Variants in IPCEF1 observed in about 807,000 individuals in gnomAD.
IPCEF1 encodes the protein interactor protein for cytohesin exchange factors 1.
In IPCEF1, 31 loss-of-function variants were observed where a neutral mutation model predicts 50.9. That is an observed-to-expected ratio of 0.61 (90% CI 0.46 to 0.82). IPCEF1 has a LOEUF of 0.82. Ranked by LOEUF, IPCEF1 falls within the 40% of genes least tolerant of loss-of-function variation. The pLI is 0.00. For synonymous variants in IPCEF1, 181 were observed against 192.0 expected, an observed-to-expected ratio of 0.94 and a Z score of 0.47; for missense variants, 458 against 514.0, an observed-to-expected ratio of 0.89 and a Z score of 1.05.
rs1326181472 is a variant in IPCEF1 at position 154,156,272 on chromosome 6, A to G, written c.*3556T>C. Reference sequence around the variant, plus strand: ...AGGGCCCTTTAGGTTTCAAATGGAGAATTTAGCCAAACAGCCACCAGGGCC... The same window carrying G: ...AGGGCCCTTTAGGTTTCAAATGGAGGATTTAGCCAAACAGCCACCAGGGCC... On this transcript the variant is annotated 3_prime_UTR_variant, in exon 12 of 12. Transcript: ENST00000367220. The G allele has an allele frequency of 6.6e-6, 1 of 152,236 alleles. No homozygotes were observed. The highest frequency in any genetic ancestry group is 1.5e-5 in the Non-Finnish European group (1 of 68,094). The allele number at this position is 152,236 out of a possible 1,614,324, so 9.4% of individuals were successfully genotyped here. A position where few individuals can be genotyped will look rare whatever the true frequency, so the allele number is the denominator to read the frequency against.
At chr6:154,177,458 C>G (rs914696217) in intron 10 of IPCEF1, among the ~76,000 whole-genome samples, 1 of 152,044 alleles carries the variant, frequency 6.6e-6, no homozygotes, top group Admixed American at 6.5e-5. Flanking sequence ...AACAAACAAC[C>G]CCATCAGAAA....
intron 1 of IPCEF1, among the ~76,000 whole-genome samples, chr6:154,315,094 G>A (rs1343872432): frequency 2.0e-5 from 3 of 152,104 alleles, no homozygotes; most frequent in Non-Finnish European, 4.4e-5. Flanking sequence ...TGTTGGCCAG[G>A]CTAATCTCGA....
At chr6:154,333,458 G>A (rs1304528906) in intron 1 of IPCEF1, among the ~76,000 whole-genome samples, 2 of 151,818 alleles carry the variant, frequency 1.3e-5, no homozygotes, top group Non-Finnish European at 2.9e-5. Context: ...TCAGTTTTCG[G>A]ACTCAAACTG....
At chr6:154,249,520 G>T (rs1278664743) in intron 3 of IPCEF1, among the ~76,000 whole-genome samples, 2 of 152,122 alleles carry the variant, frequency 1.3e-5, no homozygotes, top group African/African-American at 4.8e-5. Context: ...AAAGGGCGTT[G>T]TTAACAGTCA....
At chr6:154,172,027 T>C (rs1290329564) in intron 10 of IPCEF1, among the ~76,000 whole-genome samples, 1 of 152,214 alleles carries the variant, frequency 6.6e-6, no homozygotes, top group East Asian at 1.9e-4. Context: ...TTTACATTTC[T>C]CTGTGTTCAC....
rs144469633 is a variant in IPCEF1, at chr6:154,272,514, C to A, written c.-17-6550G>T. 4.5e-3 allele frequency among the ~76,000 whole-genome samples: 687 copies of A among 152,276 alleles called. 5 individuals carry two copies. The highest frequency in any genetic ancestry group is 0.016 in the African/African-American group (653 of 41,556). On this transcript the variant is annotated intron_variant, in intron 2 of 11. Transcript: ENST00000367220. ...AACTACAACATGAAACATAGCCAAACCAATGAAATCACTAATTGTTTAAGT... is the reference window on the plus strand; with the variant it reads ...AACTACAACATGAAACATAGCCAAAACAATGAAATCACTAATTGTTTAAGT...
chr6:154,230,192 G>A (rs987991400), intron 5 of IPCEF1, among the ~76,000 whole-genome samples: 1 of 152,038 alleles, frequency 6.6e-6, no homozygotes, highest in African/African-American at 2.4e-5. Flanking sequence ...ATTTGAATAG[G>A]GTGAACTTTA....
At chr6:154,238,036 A>G (rs926939658) in intron 5 of IPCEF1, among the ~76,000 whole-genome samples, 1 of 152,222 alleles carries the variant, frequency 6.6e-6, no homozygotes, top group Non-Finnish European at 1.5e-5. Context: ...CAAATCAACT[A>G]TCATATATGC....
At chr6:154,165,612 G>C (rs532984440) in intron 11 of IPCEF1, among the ~76,000 whole-genome samples, 45 of 152,346 alleles carry the variant, frequency 3.0e-4, no homozygotes, top group African/African-American at 1.1e-3. Flanking sequence ...AGAAAGAGCA[G>C]TTCCCTAGCT....
At chr6:154,279,156 G>T (rs529617756) in intron 2 of IPCEF1, among the ~76,000 whole-genome samples, 5 of 150,964 alleles carry the variant, frequency 3.3e-5, no homozygotes, top group Non-Finnish European at 3.0e-5. Flanking sequence ...GCATAAGAAG[G>T]TTGCTAGCTA....
chr6:154,325,905 C>T (rs545517185), intron 1 of IPCEF1, among the ~76,000 whole-genome samples: 2 of 152,240 alleles, frequency 1.3e-5, no homozygotes, highest in African/African-American at 4.8e-5. Context: ...GTTGTTCAAG[C>T]CTCCATGCAT....
chr6:154,155,971 A>G lies in IPCEF1; in HGVS notation c.*3857T>C, dbSNP rs1221734849. The G allele has an allele frequency of 6.6e-6, 1 of 152,222 alleles. No individual in the cohort carries two copies. Among genetic ancestry groups the G allele is most frequent in the Non-Finnish European group, 1.5e-5 (1 of 68,038 alleles). 9.4% of individuals were successfully genotyped at this position (152,222 alleles called of 1,614,324 possible). A position where few individuals can be genotyped will look rare whatever the true frequency, so the allele number is the denominator to read the frequency against. On this transcript the variant is annotated 3_prime_UTR_variant, in exon 12 of 12. Coordinates refer to ENST00000367220, the MANE Select transcript of IPCEF1 (RefSeq NM_001130700.2). ...AATTATCATGATTACATGAAAAGCA[A>G]TTAAGAGAAGAAGGTCAAAGGACCA...
At chr6:154,285,938 T>TA (rs1782349304) in intron 2 of IPCEF1, among the ~76,000 whole-genome samples, 1 of 152,070 alleles carries the variant, frequency 6.6e-6, no homozygotes, top group South Asian at 2.1e-4. Context: ...CCATAGCAAG[T>TA]AAAAAATAGT....
At chr6:154,246,205 C>T (rs985113869) in intron 5 of IPCEF1, among the ~76,000 whole-genome samples, 1 of 152,128 alleles carries the variant, frequency 6.6e-6, no homozygotes, top group Non-Finnish European at 1.5e-5. Flanking sequence ...GTCGTGAAGC[C>T]GAGTCTCCTT....
chr6:154,212,010 T>C (rs1205079191), intron 9 of IPCEF1, among the ~76,000 whole-genome samples: 1 of 152,168 alleles, frequency 6.6e-6, no homozygotes, highest in African/African-American at 2.4e-5. Context: ...TTAAATAAAA[T>C]GCAAATTAAA....
chr6:154,249,634 C>T (rs760449497), intron 3 of IPCEF1, among the ~76,000 whole-genome samples: 16 of 152,080 alleles, frequency 1.1e-4, no homozygotes, highest in Non-Finnish European at 2.4e-4. Flanking sequence ...CCCTGGAGGG[C>T]AGCGATGGGA....
At chr6:154,296,246 A>T (rs1418988025) in intron 1 of IPCEF1, among the ~76,000 whole-genome samples, 1 of 152,228 alleles carries the variant, frequency 6.6e-6, no homozygotes, top group African/African-American at 2.4e-5. Flanking sequence ...AGAGGGCACC[A>T]AGAGGACAGG....
intron 2 of IPCEF1, among the ~76,000 whole-genome samples, chr6:154,276,421 T>C (rs961304276): frequency 1.3e-5 from 2 of 152,130 alleles, no homozygotes; most frequent in African/African-American, 4.8e-5. Context: ...GATAAACTAC[T>C]GTATATAATC....
chr6:154,301,089 AC>A (rs1483305212), intron 1 of IPCEF1, among the ~76,000 whole-genome samples: 2 of 152,182 alleles, frequency 1.3e-5, no homozygotes, highest in African/African-American at 4.8e-5. Context: ...TATATTAATC[AC>A]CCTTAAAATA....
Sources: gnomAD v4.1 joint callset for allele counts (sites outside exome capture counted in the v4.1 genomes callset) on GRCh38, gnomAD v4.1.1 for gene constraint, MANE v1.5 for transcripts, NCBI Gene and HGNC (gene_info 2026-07-23, HGNC 2026-07-21) for gene names.